KIF9: variants seen among roughly 807,000 people sequenced by gnomAD.
KIF9 encodes kinesin-like protein KIF9.
KIF9 carries 68 observed loss-of-function variants against 94.8 expected under a neutral mutation model. The observed-to-expected ratio is 0.72, with a 90% CI of 0.59 to 0.88. KIF9 has a LOEUF of 0.88. Among genes scored for constraint, KIF9 ranks in the 40% least tolerant of loss-of-function variants. The probability of loss-of-function intolerance (pLI) is 0.00; values close to 1 mark genes in which losing one functional copy is unlikely to be tolerated. For missense variants in KIF9, 882 were observed against 982.5 expected (o/e 0.90, Z 1.37); for synonymous variants, 343 against 362.1 (o/e 0.95, Z 0.60).
intron 20 of KIF9, among the ~76,000 whole-genome samples, chr3:47,231,582 G>A (rs1232493732): frequency 6.6e-6 from 1 of 151,690 alleles, no homozygotes; most frequent in Non-Finnish European, 1.5e-5. Context: ...CACCATGGCT[G>A]GCTAATTTTT....
chr3:47,245,652 CAA>C (rs1271173046), intron 13 of KIF9, 141 bp from the exon 14 acceptor site: 3 of 666,692 alleles, frequency 4.5e-6, no homozygotes, highest in Non-Finnish European at 8.1e-6. Context: ...CCAGACCAGA[CAA>C]AAGGACAAAG....
intron 3 of KIF9, among the ~76,000 whole-genome samples, chr3:47,274,778 C>T (rs1421845457): frequency 1.3e-5 from 2 of 152,048 alleles, no homozygotes; most frequent in Non-Finnish European, 2.9e-5. Context: ...ACCACACCTA[C>T]GTATCACATT....
chr3:47,280,217 C>A (rs1180230706), intron 1 of KIF9, among the ~76,000 whole-genome samples: 1 of 152,206 alleles, frequency 6.6e-6, no homozygotes, highest in Non-Finnish European at 1.5e-5. Context: ...CTCAGCCTCA[C>A]ACTCAATTTC....
At chr3:47,258,772 G>A (rs1335841552) in intron 9 of KIF9, among the ~76,000 whole-genome samples, 1 of 152,190 alleles carries the variant, frequency 6.6e-6, no homozygotes, top group African/African-American at 2.4e-5. Flanking sequence ...CATGCTTCCT[G>A]TACAGCCTGT....
At chr3:47,238,722 G>A (rs182199110) in intron 17 of KIF9, among the ~76,000 whole-genome samples, 12 of 151,964 alleles carry the variant, frequency 7.9e-5, no homozygotes, top group African/African-American at 2.9e-4. Flanking sequence ...GTGCAGTGGC[G>A]CAATCTCGAC....
rs760980467 is a variant in KIF9 at position 47,271,480 on chromosome 3, A to G, written c.367-19T>C. ...TAAAAACCTAGATGACAGATTGTAC[A>G]GCGGTCACCAAGAGCAGAACCCCAA... is the stretch of plus-strand genomic sequence containing the variant. On this transcript the variant is annotated intron_variant, in intron 4 of 20. Transcript: ENST00000684063. 4.4e-6 allele frequency: 7 copies of G among 1,604,838 alleles called. No individual in the cohort carries two copies. Among genetic ancestry groups the G allele is most frequent in the Non-Finnish European group, 6.0e-6 (7 of 1,171,798 alleles).
At chr3:47,244,627 C>T (rs1204014799) in intron 15 of KIF9, 164 bp downstream of exon 15, 1 of 849,274 alleles carries the variant, frequency 1.2e-6, no homozygotes, top group East Asian at 2.4e-5. Context: ...CCAAACCAGC[C>T]CCAGCCCGGG....
In KIF9 at chr3:47,277,460, T is replaced by C. The variant is rs189221316; in HGVS notation, c.-5-81A>G. The C allele has an allele frequency of 3.1e-6, 3 of 959,280 alleles. No individual in the cohort carries two copies. In the Admixed American group the frequency reaches 6.1e-5, roughly 19 times the overall value. The allele number at this position is 959,280 out of a possible 1,614,324, so 59.4% of individuals were successfully genotyped here. On this transcript the variant is annotated intron_variant, in intron 1 of 20. Transcript: ENST00000684063. The stretch of plus-strand genomic sequence containing the variant: ...GGAGAGGGGTCATTCATTAAGAAGA[T>C]CAGAAAAGAGTGACGAGCAGTCCAT...
At chr3:47,258,703 T>C (rs1310047647) in intron 9 of KIF9, among the ~76,000 whole-genome samples, 1 of 152,186 alleles carries the variant, frequency 6.6e-6, no homozygotes. Flanking sequence ...CGTCTTCTCC[T>C]GCTTTGCCTT....
chr3:47,247,281 G>T, intron 12 of KIF9, 92 bp downstream of exon 12: 1 of 816,156 alleles, frequency 1.2e-6, no homozygotes, highest in Non-Finnish European at 2.1e-6. Flanking sequence ...ATTCACATGA[G>T]GCTCTGAGGC....
chr3:47,282,770 G>T lies in KIF9; in HGVS notation c.-281C>A, dbSNP rs1381624862. The T allele has an allele frequency of 1.4e-6, 2 of 1,429,120 alleles. No individual in the cohort carries two copies. Among genetic ancestry groups the T allele is most frequent in the African/African-American group, 1.4e-5 (1 of 69,342 alleles). The allele number at this position is 1,429,120 out of a possible 1,614,324, so 88.5% of individuals were successfully genotyped here. A position where few individuals can be genotyped will look rare whatever the true frequency, so the allele number is the denominator to read the frequency against. On this transcript the variant is annotated 5_prime_UTR_variant, in exon 1 of 21. Coordinates refer to ENST00000684063, the MANE Select transcript of KIF9 (RefSeq NM_182902.4). ...GCGAAGTCAAGGTCGAGATAGCGAGGGAACGAAGGCCGCACATGAACCAGG... is the reference window on the plus strand; with the variant it reads ...GCGAAGTCAAGGTCGAGATAGCGAGTGAACGAAGGCCGCACATGAACCAGG...
At chr3:47,247,819 C>A (rs1339899394) in intron 11 of KIF9, among the ~76,000 whole-genome samples, 199 bp downstream of exon 11, 1 of 152,178 alleles carries the variant, frequency 6.6e-6, no homozygotes, top group South Asian at 2.1e-4. Flanking sequence ...CGAGGCCCCT[C>A]AGGACCGTTG....
At chr3:47,239,789 G>A (rs368773008) in intron 17 of KIF9, 2 of 1,365,032 alleles carry the variant, frequency 1.5e-6, no homozygotes, top group African/African-American at 1.5e-5. Flanking sequence ...CACCCCCTGT[G>A]AGTGAGATGA....
At chr3:47,239,784 C>A in intron 17 of KIF9, 1 of 1,363,538 alleles carries the variant, frequency 7.3e-7, no homozygotes, top group East Asian at 4.6e-5. Flanking sequence ...AAATGCACCC[C>A]CTGTGAGTGA....
Position 47,267,040 on chromosome 3 carries a change from T to C in KIF9, c.704A>G (p.Lys235Arg), listed in dbSNP as rs755974329. ...EAHSRTLSEEKYITSKINLVD... is the reference protein window; with the variant it reads ...EAHSRTLSEERYITSKINLVD... ...CAAGTTAATTTTGGAAGTGATGTAC[T>C]TTTCCTCTGATAAGGTCCGGGAATG... The change falls in exon 7 of 21, where the codon AAG becomes AGG. Residue 235 changes from lysine to arginine, a missense_variant. Coordinates refer to ENST00000684063, the MANE Select transcript of KIF9 (RefSeq NM_182902.4). The C allele has an allele frequency of 2.5e-6, 4 of 1,613,898 alleles. No homozygotes were observed. The South Asian group carries it at 4.4e-5, about 18-fold the overall frequency.
chr3:47,253,314 C>T (rs1467377329), intron 10 of KIF9, among the ~76,000 whole-genome samples: 17 of 152,056 alleles, frequency 1.1e-4, no homozygotes, highest in Non-Finnish European at 2.5e-4. Context: ...CACCACTACA[C>T]TGAGCTAATT....
chr3:47,247,647 G>A (rs1179520455), intron 11 of KIF9, among the ~76,000 whole-genome samples, 170 bp from the exon 12 acceptor site: 1 of 152,194 alleles, frequency 6.6e-6, no homozygotes, highest in African/African-American at 2.4e-5. Context: ...TGACACAACA[G>A]GCCAGGTGCT....
intron 1 of KIF9, among the ~76,000 whole-genome samples, chr3:47,278,196 C>T (rs748482469): frequency 1.3e-5 from 2 of 151,914 alleles, no homozygotes; most frequent in Non-Finnish European, 2.9e-5. Flanking sequence ...CTCAGCCTCC[C>T]CAGTAGCTGG....
At chr3:47,256,988 C>T (rs1042992432) in intron 10 of KIF9, among the ~76,000 whole-genome samples, 10 of 152,014 alleles carry the variant, frequency 6.6e-5, no homozygotes, top group Non-Finnish European at 5.9e-5. Context: ...CTCAAGTACC[C>T]GGAGACACAA....
Sources: gnomAD v4.1 joint callset for allele counts (sites outside exome capture counted in the v4.1 genomes callset) on GRCh38, gnomAD v4.1.1 for gene constraint, MANE v1.5 for transcripts, NCBI Gene and HGNC (gene_info 2026-07-23, HGNC 2026-07-21) for gene names.